Variants in ANKH observed in about 807,000 individuals in gnomAD.
ANKH encodes the protein mineralization regulator ANKH.
A neutral mutation model predicts 49.0 loss-of-function variants in ANKH; 15 were observed. That is an observed-to-expected ratio of 0.31 (90% CI 0.20 to 0.47). The LOEUF is 0.47. ANKH is among the 20% of genes least tolerant of loss of function. The pLI is 1.00. For missense variants in ANKH, 429 were observed against 652.0 expected (o/e 0.66, Z 3.72); for synonymous variants, 273 against 260.0 (o/e 1.05, Z -0.48).
chr5:14,767,948 G>A lies in ANKH; in HGVS notation c.313+1027C>T, dbSNP rs113842611. Among the ~76,000 whole-genome samples the A allele has an allele frequency of 3.9e-5, 6 of 152,328 alleles. 1 individual carries two copies. The highest frequency in any genetic ancestry group is 1.2e-4 in the African/African-American group (5 of 41,592). The stretch of plus-strand genomic sequence containing the variant: ...GCAGCTCCTCTTTACTCCATGCCCT[G>A]AAGCTCTGAGCACAAATTAAAGGAT... On this transcript the variant is annotated intron_variant, in intron 2 of 11. Coordinates refer to ENST00000284268, the MANE Select transcript of ANKH (RefSeq NM_054027.6).
At chr5:14,842,824 G>A (rs1741851146) in intron 1 of ANKH, among the ~76,000 whole-genome samples, 1 of 152,114 alleles carries the variant, frequency 6.6e-6, no homozygotes, top group Non-Finnish European at 1.5e-5. Context: ...TATCACCCAT[G>A]GGTGGTGATT....
rs1738226845 is a variant in ANKH, at chr5:14,737,576, C to A, written c.1011+4251G>T. ...AGGAAGGCTCAGGGCAAGGCGACCA[C>A]TGGCTCTGACTCCAGCACCAGTGGA... On this transcript the variant is annotated intron_variant, in intron 8 of 11. Transcript: ENST00000284268. This position sits in a 1 kb window ranked among gnomAD's most constrained non-coding sequence, Gnocchi z 5.0. 6.6e-6 allele frequency among the ~76,000 whole-genome samples: 1 copy of A among 152,252 alleles called. No homozygotes were observed. Among genetic ancestry groups the A allele is most frequent in the Non-Finnish European group, 1.5e-5 (1 of 68,046 alleles).
At chr5:14,798,089 T>A in intron 1 of ANKH, 1 of 1,572,084 alleles carries the variant, frequency 6.4e-7, no homozygotes, top group Non-Finnish European at 8.8e-7. Flanking sequence ...AACCTCCAAA[T>A]TCTCCTTTCT....
intron 1 of ANKH, among the ~76,000 whole-genome samples, chr5:14,845,708 C>T (rs1422997602): frequency 6.6e-6 from 1 of 152,080 alleles, no homozygotes; most frequent in Non-Finnish European, 1.5e-5. Flanking sequence ...CTGTGGGGTG[C>T]CTTTAATGTC....
At chr5:14,763,592 G>T (rs1194013430) in intron 2 of ANKH, among the ~76,000 whole-genome samples, 1 of 152,212 alleles carries the variant, frequency 6.6e-6, no homozygotes, top group Non-Finnish European at 1.5e-5. Context: ...CATGCACAAT[G>T]TAAGTCAAGT....
intron 1 of ANKH, among the ~76,000 whole-genome samples, chr5:14,864,164 G>A (rs561543799): frequency 6.6e-6 from 1 of 152,192 alleles, no homozygotes; most frequent in Non-Finnish European, 1.5e-5. Flanking sequence ...AGTAAGCTGT[G>A]TTTGCACCAT....
At chr5:14,757,616 T>C (rs1050389125) in intron 3 of ANKH, among the ~76,000 whole-genome samples, 2 of 151,996 alleles carry the variant, frequency 1.3e-5, no homozygotes, top group African/African-American at 4.8e-5. Flanking sequence ...CAACAGATTC[T>C]TACTCTAAAA....
chr5:14,810,755 ACTTT>A (rs1740856048), intron 1 of ANKH, among the ~76,000 whole-genome samples: 1 of 152,196 alleles, frequency 6.6e-6, no homozygotes, highest in Non-Finnish European at 1.5e-5. Context: ...CTCAGGATGA[ACTTT>A]CTGTTTCTAT....
intron 1 of ANKH, among the ~76,000 whole-genome samples, chr5:14,829,446 T>C (rs1741443111): frequency 6.6e-6 from 1 of 152,180 alleles, no homozygotes; most frequent in Non-Finnish European, 1.5e-5. Context: ...CAGCTTCTAC[T>C]GAAAAATGTC....
chr5:14,741,003 C>T (rs115659304), intron 8 of ANKH, among the ~76,000 whole-genome samples: 99 of 152,314 alleles, frequency 6.5e-4, no homozygotes, highest in African/African-American at 2.1e-3. Flanking sequence ...GTTCAAAAGA[C>T]TCTTATTTCT....
At chr5:14,782,781 T>C (rs191832305) in intron 1 of ANKH, among the ~76,000 whole-genome samples, 11 of 152,324 alleles carry the variant, frequency 7.2e-5, no homozygotes, top group Admixed American at 7.2e-4. Context: ...ATCATGACTG[T>C]GAAGCTTGGT....
intron 1 of ANKH, among the ~76,000 whole-genome samples, chr5:14,858,755 AAAT>A (rs1561087725): frequency 3.8e-4 from 20 of 53,254 alleles, no homozygotes; most frequent in Non-Finnish European, 6.1e-4. Context: ...ATAAATAAAT[AAAT>A]AAAATAAAAT....
intron 1 of ANKH, among the ~76,000 whole-genome samples, chr5:14,771,379 T>C (rs1739423886): frequency 6.6e-6 from 1 of 152,174 alleles, no homozygotes; most frequent in African/African-American, 2.4e-5. Flanking sequence ...AACTTAAACA[T>C]ACTCCAAGAA....
intron 1 of ANKH, among the ~76,000 whole-genome samples, chr5:14,855,836 A>AAAAAAG (rs1396227999): frequency 2.0e-5 from 3 of 151,720 alleles, no homozygotes; most frequent in Non-Finnish European, 4.4e-5. Context: ...AGGTGGAAAA[A>AAAAAAG]AAAAAGAAAA....
chr5:14,857,231 A>C (rs1013793202), intron 1 of ANKH, among the ~76,000 whole-genome samples: 2 of 152,228 alleles, frequency 1.3e-5, no homozygotes, highest in Non-Finnish European at 2.9e-5. Flanking sequence ...TCCCAGATAT[A>C]CAGGGAAGTA....
chr5:14,816,599 A>G (rs191107724), intron 1 of ANKH, among the ~76,000 whole-genome samples: 293 of 152,260 alleles, frequency 1.9e-3, no homozygotes, highest in African/African-American at 5.3e-3. Flanking sequence ...TTCTGGCTCT[A>G]TTCTCTCACA....
rs76025066 is a variant in ANKH, at chr5:14,749,461, T to C, written c.688-155A>G. Among the ~76,000 whole-genome samples, 2,773 of 152,322 alleles carry C rather than the reference T, an allele frequency of 0.018. 96 individuals carry two copies. The highest frequency in any genetic ancestry group is 0.064 in the African/African-American group (2,657 of 41,552). On this transcript the variant is annotated intron_variant, in intron 5 of 11. Coordinates refer to ENST00000284268, the MANE Select transcript of ANKH (RefSeq NM_054027.6). ...GAAAAGTGTCTGTAGACAAGCCAAG[T>C]TGAATTAAAATAAAATGTTCAGTCC...
chr5:14,802,408 G>A, intron 1 of ANKH, among the ~76,000 whole-genome samples: 1 of 152,088 alleles, frequency 6.6e-6, no homozygotes, highest in East Asian at 1.9e-4. Flanking sequence ...GTGCAGACCA[G>A]TATTACTTCT....
At chr5:14,721,884 C>T (rs558344012) in intron 8 of ANKH, among the ~76,000 whole-genome samples, 1 of 121,566 alleles carries the variant, frequency 8.2e-6, no homozygotes, top group Non-Finnish European at 1.6e-5. Flanking sequence ...GAGCTGAGAT[C>T]ATGCCACTGC....
Sources: gnomAD v4.1 joint callset for allele counts (sites outside exome capture counted in the v4.1 genomes callset) on GRCh38, gnomAD v4.1.1 for gene constraint, Gnocchi (gnomAD v3.1) non-coding constraint, MANE v1.5 for transcripts, NCBI Gene and HGNC (gene_info 2026-07-23, HGNC 2026-07-21) for gene names.